The following FLVCR1 variants were observed in gnomAD, a reference collection of about 807,000 sequenced individuals.
FLVCR1 encodes the protein choline/ethanolamine transporter FLVCR1.
In FLVCR1, 34 loss-of-function variants were observed where a neutral mutation model predicts 53.6. The observed-to-expected ratio is 0.63, with a 90% CI of 0.48 to 0.84. The LOEUF is 0.84. Ranked by LOEUF, FLVCR1 falls within the 40% of genes least tolerant of loss-of-function variation. The pLI, the probability that FLVCR1 is intolerant of heterozygous loss-of-function variation, is 0.00. For missense variants in FLVCR1, 677 were observed against 696.7 expected (o/e 0.97, Z 0.32); for synonymous variants, 300 against 286.3 (o/e 1.05, Z -0.48).
intron 1 of FLVCR1, among the ~76,000 whole-genome samples, chr1:212,861,376 T>G (rs10864010): frequency 6.6e-6 from 1 of 151,980 alleles, no homozygotes; most frequent in African/African-American, 2.4e-5. Context: ...TTCTTTTCAT[T>G]CTTTTTGATA....
chr1:212,858,525 T>C lies in FLVCR1; in HGVS notation c.73T>C (p.Leu25=), dbSNP rs1664095787. ...CCCGCTCGCGAAAGGATACCTCCCG[T>C]TGCCGAGGGGCGCGCCCGTTGGGAA... The part of the protein sequence containing the change: ...GHPLAKGYLP[L]PRGAPVGKES... Residue 25 remains leucine, a synonymous_variant, in exon 1 of 10, where the codon TTG becomes CTG. Transcript: ENST00000366971. 2 of 1,459,880 alleles carry C rather than the reference T, an allele frequency of 1.4e-6. No individual in the cohort carries two copies. The highest frequency in any genetic ancestry group is 2.5e-5 in the East Asian group (1 of 40,170). The allele number at this position is 1,459,880 out of a possible 1,614,324, so 90.4% of individuals were successfully genotyped here.
intron 5 of FLVCR1, among the ~76,000 whole-genome samples, chr1:212,887,214 T>A (rs994129104): frequency 1.3e-5 from 2 of 152,230 alleles, no homozygotes; most frequent in Admixed American, 1.3e-4. Flanking sequence ...ACTTGATATA[T>A]AGATGAAGGG....
At chr1:212,873,105 C>T (rs1664651672) in intron 3 of FLVCR1, among the ~76,000 whole-genome samples, 3 of 151,964 alleles carry the variant, frequency 2.0e-5, no homozygotes, top group Admixed American at 6.6e-5. Flanking sequence ...TCAGGAGTTG[C>T]ATGTCAGGAC....
At chr1:212,865,147 T>TA (rs1664368782) in intron 2 of FLVCR1, among the ~76,000 whole-genome samples, 1 of 147,146 alleles carries the variant, frequency 6.8e-6, no homozygotes, top group Non-Finnish European at 1.5e-5. Context: ...TTTTTTTTTT[T>TA]ATTATAAGTT....
At position 212,858,425 on chromosome 1, in the gene FLVCR1, A is replaced by T; in HGVS notation, c.-28A>T. ...GCGGAGTCGGGGAGTGGGGCGGGGGAGCGAGGTGGCGCCGGGGAGCCTGGG... is the reference window on the plus strand; with the variant it reads ...GCGGAGTCGGGGAGTGGGGCGGGGGTGCGAGGTGGCGCCGGGGAGCCTGGG... On this transcript the variant is annotated 5_prime_UTR_variant, in exon 1 of 10. Coordinates refer to ENST00000366971, the MANE Select transcript of FLVCR1 (RefSeq NM_014053.4). 1 of 1,426,610 alleles carries T rather than the reference A, an allele frequency of 7.0e-7. No homozygotes were observed. Among genetic ancestry groups the T allele is most frequent in the Non-Finnish European group, 9.1e-7 (1 of 1,094,724 alleles). 88.4% of individuals were successfully genotyped at this position (1,426,610 alleles called of 1,614,324 possible).
intron 3 of FLVCR1, among the ~76,000 whole-genome samples, chr1:212,878,815 C>G (rs1038236435): frequency 6.6e-6 from 1 of 151,792 alleles, no homozygotes; most frequent in Admixed American, 6.6e-5. Flanking sequence ...GTGGCAAAAC[C>G]TCATCTCTAC....
In FLVCR1 at chr1:212,874,984, G is replaced by A. The variant is rs146404470; in HGVS notation, c.1024+2166G>A. Among the ~76,000 whole-genome samples the A allele has an allele frequency of 1.6e-3, 245 of 151,820 alleles. 2 individuals are homozygous for A. The highest frequency in any genetic ancestry group is 5.5e-3 in the African/African-American group (227 of 41,416). ...ATATACACTGTTAATTCTAGTCTCT[G>A]TAATTTTGTGCCAATATTTCTTTTA... On this transcript the variant is annotated intron_variant, in intron 3 of 9. Transcript: ENST00000366971.
chr1:212,881,781 A>G (rs919172129), intron 3 of FLVCR1, among the ~76,000 whole-genome samples: 7 of 152,234 alleles, frequency 4.6e-5, no homozygotes, highest in Non-Finnish European at 7.3e-5. Flanking sequence ...GACTTAGACT[A>G]TGAGAAAATT....
rs1665365467 is a variant in FLVCR1 at position 212,897,240 on chromosome 1, ACC to A, written c.*1951_*1952del. On this transcript the variant is annotated 3_prime_UTR_variant, in exon 10 of 10. Coordinates refer to ENST00000366971, the MANE Select transcript of FLVCR1 (RefSeq NM_014053.4). ...CCTGAGGTTGAGCACGATGGCTCAC[ACC>A]TATAGTCCCAGCACTTTGGGAGGCT... is the stretch of plus-strand genomic sequence containing the variant. The A allele has an allele frequency of 2.0e-5, 3 of 149,766 alleles. No homozygotes were observed. In the South Asian group the frequency reaches 6.4e-4, roughly 32 times the overall value. 9.3% of individuals were successfully genotyped at this position (149,766 alleles called of 1,614,324 possible).
At chr1:212,859,694 G>A (rs930766312) in intron 1 of FLVCR1, among the ~76,000 whole-genome samples, 1 of 151,952 alleles carries the variant, frequency 6.6e-6, no homozygotes, top group African/African-American at 2.4e-5. Context: ...CTCCAGCTTG[G>A]GTGACAGAGT....
chr1:212,863,889 T>C lies in FLVCR1; in HGVS notation c.883+20T>C, dbSNP rs1325493479. On this transcript the variant is annotated intron_variant, in intron 2 of 9. Transcript: ENST00000366971. ...CAATTGGTAAGTGAATTACTTTCCC[T>C]AAAGCTTAAATGAATGCATGATAGA... The C allele has an allele frequency of 6.2e-7, 1 of 1,601,942 alleles. No homozygotes were observed. Among genetic ancestry groups the C allele is most frequent in the Non-Finnish European group, 8.6e-7 (1 of 1,169,202 alleles).
At chr1:212,886,067 G>A (rs1199807718) in intron 5 of FLVCR1, among the ~76,000 whole-genome samples, 3 of 120,736 alleles carry the variant, frequency 2.5e-5, no homozygotes, top group African/African-American at 1.2e-4. Flanking sequence ...TTTTAGGTGG[G>A]GTCTCACTCT....
At position 212,858,968 on chromosome 1, in the gene FLVCR1, C is replaced by G; in HGVS notation, c.516C>G (p.Gly172=). ...CCACCTGGCTGCTGGACACCAGAGG[C>G]CTGCGGCTCACCGCCCTGCTGGGCT... The part of the protein sequence containing the change: ...FPATWLLDTR[G]LRLTALLGSG... Residue 172 remains glycine (G), a synonymous_variant, in exon 1 of 10, where the codon GGC becomes GGG. Coordinates refer to ENST00000366971, the MANE Select transcript of FLVCR1 (RefSeq NM_014053.4). 1 of 1,614,136 alleles carries G rather than the reference C, an allele frequency of 6.2e-7. No homozygotes were observed. The highest frequency in any genetic ancestry group is 8.5e-7 in the Non-Finnish European group (1 of 1,179,984).
intron 2 of FLVCR1, among the ~76,000 whole-genome samples, chr1:212,869,033 T>A (rs1346634238): frequency 6.6e-6 from 1 of 152,220 alleles, no homozygotes; most frequent in Admixed American, 6.5e-5. Flanking sequence ...ATGTAATATA[T>A]GCCTGAATCA....
intron 3 of FLVCR1, among the ~76,000 whole-genome samples, chr1:212,879,782 CCT>C (rs1315288112): frequency 3.3e-5 from 5 of 152,070 alleles, no homozygotes; most frequent in Non-Finnish European, 5.9e-5. Flanking sequence ...GTCTCAAACT[CCT>C]GACCTCATGT....
At chr1:212,880,795 TA>T (rs36005550) in intron 3 of FLVCR1, among the ~76,000 whole-genome samples, 63,372 of 141,914 alleles carry the variant, frequency 0.45, 14,699 homozygotes, top group East Asian at 0.53. Flanking sequence ...GACTCTTTAT[TA>T]AAAAAAAAAA....
intron 3 of FLVCR1, among the ~76,000 whole-genome samples, chr1:212,879,969 A>C (rs916312097): frequency 1.1e-5 from 1 of 94,388 alleles, no homozygotes; most frequent in African/African-American, 3.0e-5. Context: ...TTCAGATAAC[A>C]TAGTATTTTT....
Position 212,858,983 on chromosome 1 carries a change from C to G in FLVCR1, c.531C>G (p.Ala177=). 6.2e-7 allele frequency: 1 copy of G among 1,613,852 alleles called. No homozygotes were observed. Among genetic ancestry groups the G allele is most frequent in the Non-Finnish European group, 8.5e-7 (1 of 1,179,790 alleles). ...LLDTRGLRLT[A]LLGSGLNCLG... ...ACACCAGAGGCCTGCGGCTCACCGC[C>G]CTGCTGGGCTCCGGCCTCAACTGCC... is the stretch of plus-strand genomic sequence containing the variant. The change falls in exon 1 of 10, where the codon GCC becomes GCG. Residue 177 remains alanine, a synonymous_variant. Coordinates refer to ENST00000366971, the MANE Select transcript of FLVCR1 (RefSeq NM_014053.4).
chr1:212,865,981 GTTTTTTTTTTT>G (rs1319691717), intron 2 of FLVCR1, among the ~76,000 whole-genome samples: 7 of 41,298 alleles, frequency 1.7e-4, no homozygotes, highest in African/African-American at 4.0e-4. Flanking sequence ...TTGGGGTTTG[GTTTTTTTTTTT>G]TTTTTTTTTT....
Sources: allele counts gnomAD v4.1 joint callset (sites outside exome capture counted in the v4.1 genomes callset), GRCh38; gene constraint gnomAD v4.1.1; transcripts MANE v1.5; gene names NCBI Gene and HGNC (gene_info 2026-07-23, HGNC 2026-07-21).